NINJ2: variants seen among roughly 807,000 people sequenced by gnomAD.
NINJ2 encodes the protein ninjurin 2.
In NINJ2, 12 loss-of-function variants were observed where a neutral mutation model predicts 11.7. The ratio of observed to expected loss-of-function variants is 1.02; its 90% confidence interval spans 0.66 to 1.66. NINJ2 has a LOEUF of 1.66. Among genes scored for constraint, NINJ2 ranks in the 40% most tolerant of loss-of-function variants. NINJ2 has a pLI of 0.00. For synonymous variants in NINJ2, 93 were observed against 76.8 expected, an observed-to-expected ratio of 1.21 and a Z score of -1.10; for missense variants, 187 against 181.8, an observed-to-expected ratio of 1.03 and a Z score of -0.16.
At chr12:608,937 G>A (rs1209365031) in intron 1 of NINJ2, among the ~76,000 whole-genome samples, 1 of 152,114 alleles carries the variant, frequency 6.6e-6, no homozygotes. Context: ...AGTGGACCAG[G>A]TGCTTTCTGG....
chr12:610,543 A>G (rs1948014692), intron 1 of NINJ2: 3 of 1,471,944 alleles, frequency 2.0e-6, no homozygotes, highest in South Asian at 2.7e-5. Flanking sequence ...CATGCAGCAG[A>G]TGCCCACCAC....
At position 580,356 on chromosome 12, in the gene NINJ2, G is replaced by A. The variant is rs1228666929; in HGVS notation, c.34-14178C>T. ...TAATCCCAGCACTTTGGGAGGCCGAGGCAGGTGGATCACTTGAGGTCAGGA... is the reference window on the plus strand; with the variant it reads ...TAATCCCAGCACTTTGGGAGGCCGAAGCAGGTGGATCACTTGAGGTCAGGA... On this transcript the variant is annotated intron_variant, in intron 1 of 3. Transcript: ENST00000305108. The surrounding 1 kb of genome is among the most constrained non-coding windows in gnomAD (Gnocchi z 4.7). Among the ~76,000 whole-genome samples the A allele has an allele frequency of 6.6e-6, 1 of 152,176 alleles. No homozygotes were observed. Among genetic ancestry groups the A allele is most frequent in the Non-Finnish European group, 1.5e-5 (1 of 68,032 alleles).
chr12:604,044 T>A (rs557410352), intron 1 of NINJ2, among the ~76,000 whole-genome samples: 1 of 152,330 alleles, frequency 6.6e-6, no homozygotes, highest in East Asian at 1.9e-4. Flanking sequence ...CTGACTTGAT[T>A]ACTGTAGCTT....
intron 1 of NINJ2, among the ~76,000 whole-genome samples, chr12:609,961 AAAG>A: frequency 7.6e-6 from 1 of 131,614 alleles, no homozygotes; most frequent in Non-Finnish European, 1.6e-5. Context: ...AAAAAAAAAA[AAAG>A]ACGAAGGAGA....
At chr12:579,818 A>G (rs1187566219) in intron 1 of NINJ2, among the ~76,000 whole-genome samples, 2 of 152,224 alleles carry the variant, frequency 1.3e-5, no homozygotes, top group African/African-American at 4.8e-5. Flanking sequence ...CATAGGTCAC[A>G]GATCCTATGG....
In NINJ2 at chr12:640,912, A is replaced by C. The variant is rs1948408898; in HGVS notation, c.33+22416T>G. The stretch of plus-strand genomic sequence containing the variant: ...CTCCACTGTGGCTCCAATGTTACAG[A>C]CCACTCCTAACTTCAGTCCCGGAAG... On this transcript the variant is annotated intron_variant, in intron 1 of 3. Transcript: ENST00000305108. The surrounding 1 kb of genome is among the most constrained non-coding windows in gnomAD (Gnocchi z 4.0). 2.0e-5 allele frequency: 3 copies of C among 152,192 alleles called. No homozygotes were observed. The highest frequency in any genetic ancestry group is 4.4e-5 in the Non-Finnish European group (3 of 68,152). 9.4% of individuals were successfully genotyped at this position (152,192 alleles called of 1,614,324 possible).
At chr12:593,605 C>T (rs1947744383) in intron 1 of NINJ2, among the ~76,000 whole-genome samples, 1 of 152,082 alleles carries the variant, frequency 6.6e-6, no homozygotes, top group African/African-American at 2.4e-5. Context: ...GTTCCAGCTA[C>T]TCAAGAGGCT....
intron 1 of NINJ2, among the ~76,000 whole-genome samples, chr12:603,932 A>G (rs144982417): frequency 0.054 from 8,270 of 152,240 alleles, 277 homozygotes; most frequent in South Asian, 0.14. Context: ...AAGTGCTGGG[A>G]CTACAGGCAT....
At chr12:565,187 T>A (rs1354500577) in intron 3 of NINJ2, 30 bp downstream of exon 3, 2 of 1,564,984 alleles carry the variant, frequency 1.3e-6, no homozygotes, top group Non-Finnish European at 1.7e-6. Context: ...GGGGAGTCCC[T>A]GGAGCTGGGG....
At chr12:576,182 T>C (rs929514271) in intron 1 of NINJ2, among the ~76,000 whole-genome samples, 1 of 152,130 alleles carries the variant, frequency 6.6e-6, no homozygotes, top group Non-Finnish European at 1.5e-5. Flanking sequence ...TTCCAGCCCT[T>C]GCCCCGAGCT....
At chr12:660,364 T>TC (rs1937942069) in intron 1 of NINJ2, among the ~76,000 whole-genome samples, 1 of 149,176 alleles carries the variant, frequency 6.7e-6, no homozygotes, top group African/African-American at 2.4e-5. Flanking sequence ...TCTTTTCTTT[T>TC]TTTTTTTTTT....
chr12:648,477 C>T (rs1050186277), intron 1 of NINJ2, among the ~76,000 whole-genome samples: 10 of 152,318 alleles, frequency 6.6e-5, no homozygotes, highest in African/African-American at 2.4e-4. Flanking sequence ...GTCTCTGGAC[C>T]TTGATTTTTT....
chr12:588,692 A>G (rs898505892), intron 1 of NINJ2, among the ~76,000 whole-genome samples: 1 of 152,216 alleles, frequency 6.6e-6, no homozygotes, highest in Non-Finnish European at 1.5e-5. Context: ...AACGGGGGGA[A>G]CACTGCTGCA....
intron 1 of NINJ2, among the ~76,000 whole-genome samples, chr12:659,224 C>A (rs930957201): frequency 3.3e-5 from 5 of 151,940 alleles, no homozygotes; most frequent in African/African-American, 9.7e-5. Context: ...TCTACTTAAC[C>A]TGAGCTATAC....
chr12:611,328 TTTC>T (rs1422171207), intron 1 of NINJ2, among the ~76,000 whole-genome samples: 22 of 151,684 alleles, frequency 1.5e-4, no homozygotes, highest in African/African-American at 5.1e-4. Flanking sequence ...TCTCTCTTTC[TTTC>T]TTTTCTTCTT....
chr12:621,858 G>A (rs973979919), intron 1 of NINJ2, among the ~76,000 whole-genome samples: 1 of 151,596 alleles, frequency 6.6e-6, no homozygotes, highest in African/African-American at 2.4e-5. Context: ...GTGTGGCCAC[G>A]CACTGTGGCT....
At chr12:576,283 G>A (rs1228038244) in intron 1 of NINJ2, among the ~76,000 whole-genome samples, 1 of 152,130 alleles carries the variant, frequency 6.6e-6, no homozygotes, top group Admixed American at 6.5e-5. Context: ...TCCACCAGGG[G>A]GCGCCAGGAA....
chr12:635,857 CT>C (rs1948345740), intron 1 of NINJ2, among the ~76,000 whole-genome samples: 1 of 152,178 alleles, frequency 6.6e-6, no homozygotes, highest in South Asian at 2.1e-4. Context: ...GGCAGATCAT[CT>C]GAGGTCAGGA....
intron 1 of NINJ2, among the ~76,000 whole-genome samples, chr12:575,255 G>A (rs983983541): frequency 2.0e-5 from 3 of 152,156 alleles, no homozygotes; most frequent in African/African-American, 7.2e-5. Flanking sequence ...TTACTCAAGC[G>A]TAGTCCTCTC....
Sources: gnomAD v4.1 joint callset for allele counts (sites outside exome capture counted in the v4.1 genomes callset) on GRCh38, gnomAD v4.1.1 for gene constraint, Gnocchi (gnomAD v3.1) non-coding constraint, MANE v1.5 for transcripts, NCBI Gene and HGNC (gene_info 2026-07-23, HGNC 2026-07-21) for gene names.